PRSS16: variants seen among roughly 807,000 people sequenced by gnomAD.
PRSS16 encodes the protein thymus-specific serine protease.
In PRSS16, 43 loss-of-function variants were observed where a neutral mutation model predicts 61.7. The observed-to-expected ratio is 0.70, with a 90% CI of 0.55 to 0.90. PRSS16 has a LOEUF of 0.90. Among genes scored for constraint, PRSS16 ranks in the 40% least tolerant of loss-of-function variants. PRSS16 has a pLI of 0.00. For synonymous variants in PRSS16, 273 were observed against 285.2 expected (o/e 0.96, Z 0.43); for missense variants, 591 against 659.1 (o/e 0.90, Z 1.13).
chr6:27,255,188 G>T lies in PRSS16; in HGVS notation c.1476+57G>T, dbSNP rs1307649128. On this transcript the variant is annotated intron_variant, in intron 11 of 11. Coordinates refer to ENST00000230582, the MANE Select transcript of PRSS16 (RefSeq NM_005865.4). This position sits in a 1 kb window ranked among gnomAD's most constrained non-coding sequence, Gnocchi z 4.4. Reference sequence around the variant, plus strand: ...TTCTCATTTGAATAATCACTTGCATGTTCCCTCCTTCTGCTGGTGCTGAAA... The same window carrying T: ...TTCTCATTTGAATAATCACTTGCATTTTCCCTCCTTCTGCTGGTGCTGAAA... 11 of 1,613,838 alleles carry T rather than the reference G, an allele frequency of 6.8e-6. No individual in the cohort carries two copies. The highest frequency in any genetic ancestry group is 9.3e-6 in the Non-Finnish European group (11 of 1,179,718).
At chr6:27,254,570 A>G (rs1388890370) in intron 9 of PRSS16, 123 bp from the exon 10 acceptor site, 2 of 955,218 alleles carry the variant, frequency 2.1e-6, no homozygotes, top group African/African-American at 3.2e-5. Context: ...CCAGGACTGT[A>G]AACTCCTCGA....
At chr6:27,253,986 A>G (rs1201261862) in intron 9 of PRSS16, 2 of 152,556 alleles carry the variant, frequency 1.3e-5, no homozygotes, top group Non-Finnish European at 2.9e-5. Context: ...TCAAGTCTCA[A>G]TAGGGTGGCC....
chr6:27,253,214 G>A, intron 9 of PRSS16: 1 of 483,530 alleles, frequency 2.1e-6, no homozygotes, highest in Non-Finnish European at 3.8e-6. Flanking sequence ...CCATTCCAGG[G>A]ATGGCCCCCT....
intron 4 of PRSS16, 51 bp downstream of exon 4, chr6:27,249,280 G>T (rs1166138928): frequency 1.3e-6 from 2 of 1,582,174 alleles, no homozygotes; most frequent in Non-Finnish European, 1.7e-6. Flanking sequence ...GAATGTCTGT[G>T]CTTTGGCATC....
In PRSS16 at chr6:27,252,184, G is replaced by A; in HGVS notation, c.1008+144G>A. 2 of 1,010,082 alleles carry A rather than the reference G, an allele frequency of 2.0e-6. No homozygotes were observed. The highest frequency in any genetic ancestry group is 2.8e-6 in the Non-Finnish European group (2 of 725,518). The allele number at this position is 1,010,082 out of a possible 1,614,324, so 62.6% of individuals were successfully genotyped here. A position where few individuals can be genotyped will look rare whatever the true frequency, so the allele number is the denominator to read the frequency against. On this transcript the variant is annotated intron_variant, in intron 8 of 11. Coordinates refer to ENST00000230582, the MANE Select transcript of PRSS16 (RefSeq NM_005865.4). The surrounding 1 kb of genome is among the most constrained non-coding windows in gnomAD (Gnocchi z 4.2). ...AATGGGGATAACACTTCACAGGGCC[G>A]ATGGGAAGATGAAATGAGGCGGGTC...
In PRSS16 at chr6:27,251,843, G is replaced by A; in HGVS notation, c.811G>A (p.Ala271Thr). ...AQAALRTELS[A>T]CGPLGRAENQ... Reference sequence around the variant, plus strand: ...AGCAGCATTGCGGACGGAGCTGAGCGCTTGCGGGCCCCTGGGCCGCGCTGA... The same window carrying A: ...AGCAGCATTGCGGACGGAGCTGAGCACTTGCGGGCCCCTGGGCCGCGCTGA... Residue 271 changes from alanine to threonine, a missense_variant, in exon 8 of 12, where the codon GCT (alanine) becomes ACT (threonine). Transcript: ENST00000230582. The surrounding 1 kb of genome is among the most constrained non-coding windows in gnomAD (Gnocchi z 5.6). 1.2e-6 allele frequency: 2 copies of A among 1,612,856 alleles called. No individual in the cohort carries two copies. The highest frequency in any genetic ancestry group is 1.7e-6 in the Non-Finnish European group (2 of 1,179,748).
Position 27,251,632 on chromosome 6 carries a change from T to C in PRSS16, c.718-118T>C. 8.3e-7 allele frequency: 1 copy of C among 1,205,198 alleles called. No individual in the cohort carries two copies. The highest frequency in any genetic ancestry group is 1.1e-6 in the Non-Finnish European group (1 of 893,320). 74.7% of individuals were successfully genotyped at this position (1,205,198 alleles called of 1,614,324 possible). Reference sequence around the variant, plus strand: ...GGGGGCCTGGGCCAAGAGCTAGGTCTGCACCCTCTGAGTCCCGCTAGGGGA... The same window carrying C: ...GGGGGCCTGGGCCAAGAGCTAGGTCCGCACCCTCTGAGTCCCGCTAGGGGA... On this transcript the variant is annotated intron_variant, in intron 7 of 11. Transcript: ENST00000230582. This position sits in a 1 kb window ranked among gnomAD's most constrained non-coding sequence, Gnocchi z 5.6.
intron 3 of PRSS16, 38 bp downstream of exon 3, chr6:27,248,984 G>T: frequency 6.4e-7 from 1 of 1,567,086 alleles, no homozygotes; most frequent in South Asian, 1.2e-5. Flanking sequence ...TTGGGATGCT[G>T]GTGGGGACCA....
Position 27,248,886 on chromosome 6 carries a change from G to T in PRSS16, c.277G>T (p.Gly93Ter), listed in dbSNP as rs1351385050. The T allele has an allele frequency of 1.2e-6, 2 of 1,612,910 alleles. No individual in the cohort carries two copies. The highest frequency in any genetic ancestry group is 3.3e-5 in the Admixed American group (2 of 59,870). ...VNDQHWVGQD[G>*]PIFLHLGGEG... is the part of the protein sequence containing the mutation. Reference sequence around the variant, plus strand: ...TGACCAACATTGGGTTGGCCAGGATGGACCCATATTCCTGCATCTAGGGGG... The same window carrying T: ...TGACCAACATTGGGTTGGCCAGGATTGACCCATATTCCTGCATCTAGGGGG... Residue 93 changes from glycine (G) to a stop codon, truncating the protein, a stop_gained, in exon 3 of 12, where the codon GGA becomes TGA. Transcript: ENST00000230582. LOFTEE classifies it high-confidence loss of function.
Position 27,251,913 on chromosome 6 carries a change from G to A in PRSS16, c.881G>A (p.Gly294Asp), listed in dbSNP as rs1459321524. 2 of 1,613,304 alleles carry A rather than the reference G, an allele frequency of 1.2e-6. No homozygotes were observed. Among genetic ancestry groups the A allele is most frequent in the Non-Finnish European group, 1.7e-6 (2 of 1,179,804 alleles). ...LLGALQALVG[G>D]VVQYDGQTGA... ...GGGGCGCTGCAGGCACTGGTGGGAG[G>A]TGTAGTGCAGTATGATGGGCAGACG... is the stretch of plus-strand genomic sequence containing the variant. The change falls in exon 8 of 12, where the codon GGT (glycine) becomes GAT (aspartate). Residue 294 changes from glycine to aspartate, a missense_variant. Physicochemically the swap from Gly to Asp is moderately conservative, Grantham distance 94. Transcript: ENST00000230582. This position sits in a 1 kb window ranked among gnomAD's most constrained non-coding sequence, Gnocchi z 5.6.
chr6:27,252,244 T>C lies in PRSS16; in HGVS notation c.1008+204T>C, dbSNP rs1759930614. ...AATCAGCTGGGAGCCTGGCACACAG[T>C]GTGCGAATGTTAGAGACTGCGATTA... On this transcript the variant is annotated intron_variant, in intron 8 of 11. Coordinates refer to ENST00000230582, the MANE Select transcript of PRSS16 (RefSeq NM_005865.4). This position sits in a 1 kb window ranked among gnomAD's most constrained non-coding sequence, Gnocchi z 4.2. 3.2e-6 allele frequency: 2 copies of C among 634,070 alleles called. No individual in the cohort carries two copies. The highest frequency in any genetic ancestry group is 5.1e-6 in the Non-Finnish European group (2 of 392,794). The allele number at this position is 634,070 out of a possible 1,614,324, so 39.3% of individuals were successfully genotyped here.
At position 27,255,444 on chromosome 6, in the gene PRSS16, C is replaced by T. The variant is rs1212799584; in HGVS notation, c.*129C>T. On this transcript the variant is annotated 3_prime_UTR_variant, in exon 12 of 12. Transcript: ENST00000230582. The surrounding 1 kb of genome is among the most constrained non-coding windows in gnomAD (Gnocchi z 4.4). The stretch of plus-strand genomic sequence containing the variant: ...ATTGGAATTCAGCACCTGTTCCGCA[C>T]GTAATTGGCATGTGTCTGCAAACAT... The T allele has an allele frequency of 6.5e-6, 6 of 921,252 alleles. No homozygotes were observed. The highest frequency in any genetic ancestry group is 9.9e-6 in the Non-Finnish European group (6 of 607,800). 57.1% of individuals were successfully genotyped at this position (921,252 alleles called of 1,614,324 possible).
Position 27,251,061 on chromosome 6 carries a change from C to T in PRSS16, c.611C>T (p.Ala204Val), listed in dbSNP as rs35466700. 3 of 1,614,010 alleles carry T rather than the reference C, an allele frequency of 1.9e-6. No homozygotes were observed. Among genetic ancestry groups the T allele is most frequent in the East Asian group, 2.2e-5 (1 of 44,874 alleles). Residue 204 changes from alanine (A) to valine (V), a missense_variant, in exon 6 of 12, where the codon GCG becomes GTG. Coordinates refer to ENST00000230582, the MANE Select transcript of PRSS16 (RefSeq NM_005865.4). The surrounding 1 kb of genome is among the most constrained non-coding windows in gnomAD (Gnocchi z 5.6). Reference sequence around the variant, plus strand: ...CCTTAGTTCCCCCATCTCATTTTCGCGTCGGTCGCCTCCTCCGCCCCGGTG... The same window carrying T: ...CCTTAGTTCCCCCATCTCATTTTCGTGTCGGTCGCCTCCTCCGCCCCGGTG... ...ARLKFPHLIF[A>V]SVASSAPVRA... is the part of the protein sequence containing the mutation.
chr6:27,250,971 G>A, intron 5 of PRSS16, 71 bp from the exon 6 acceptor site: 1 of 1,593,632 alleles, frequency 6.3e-7, no homozygotes, highest in Non-Finnish European at 8.6e-7. Flanking sequence ...CAGCGAGTAA[G>A]TGACACAGAG....
intron 9 of PRSS16, chr6:27,253,173 C>T: frequency 1.8e-6 from 1 of 563,432 alleles, no homozygotes; most frequent in Non-Finnish European, 3.2e-6. Flanking sequence ...CTTGAGTGAT[C>T]TTCCCTTCAG....
In PRSS16 at chr6:27,247,914, C is replaced by T; in HGVS notation, c.103C>T (p.Gln35Ter). ...SLLRRLGEHIQQFQESSAQGL... is the reference protein window; with the variant it reads ...SLLRRLGEHI ...TCTTAGGCGCCTGGGTGAGCACATTCAGCAGTTTCAGGAGAGCTCTGCCCA... is the reference window on the plus strand; with the variant it reads ...TCTTAGGCGCCTGGGTGAGCACATTTAGCAGTTTCAGGAGAGCTCTGCCCA... The change falls in exon 2 of 12, where the codon CAG becomes TAG. Residue 35 changes from glutamine to a stop codon, truncating the protein, a stop_gained. Transcript: ENST00000230582. LOFTEE classifies it high-confidence loss of function. 1 of 1,603,706 alleles carries T rather than the reference C, an allele frequency of 6.2e-7. No individual in the cohort carries two copies. Among genetic ancestry groups the T allele is most frequent in the Non-Finnish European group, 8.5e-7 (1 of 1,175,504 alleles).
At position 27,247,942 on chromosome 6, in the gene PRSS16, G is replaced by T. The variant is rs1761256926; in HGVS notation, c.131G>T (p.Gly44Val). ...IQQFQESSAQ[G>V]LGLSLGPGAA... ...CAGTTTCAGGAGAGCTCTGCCCAGGGCCTGGGCCTGAGCCTGGGGCCAGGT... is the reference window on the plus strand; with the variant it reads ...CAGTTTCAGGAGAGCTCTGCCCAGGTCCTGGGCCTGAGCCTGGGGCCAGGT... The change falls in exon 2 of 12, where the codon GGC (glycine) becomes GTC (valine). Residue 44 changes from glycine to valine, a missense_variant. Gly to Val is a moderately radical substitution (Grantham distance 109). Transcript: ENST00000230582. The T allele has an allele frequency of 1.2e-6, 2 of 1,605,370 alleles. No homozygotes were observed. Among genetic ancestry groups the T allele is most frequent in the East Asian group, 4.5e-5 (2 of 44,848 alleles).
At position 27,251,230 on chromosome 6, in the gene PRSS16, G is replaced by C; in HGVS notation, c.683G>C (p.Ser228Thr). 6.2e-7 allele frequency: 1 copy of C among 1,611,806 alleles called. No homozygotes were observed. Among genetic ancestry groups the C allele is most frequent in the Non-Finnish European group, 8.5e-7 (1 of 1,178,576 alleles). The change falls in exon 7 of 12, where the codon AGC (serine) becomes ACC (threonine). Residue 228 changes from serine to threonine, a missense_variant. Physicochemically the swap from Ser to Thr is moderately conservative, Grantham distance 58 (BLOSUM62 1). Coordinates refer to ENST00000230582, the MANE Select transcript of PRSS16 (RefSeq NM_005865.4). This position sits in a 1 kb window ranked among gnomAD's most constrained non-coding sequence, Gnocchi z 5.6. ...GTCCGCCCACAGGTGGTATCCCGAA[G>C]CCTAATGAGCACCGCGATCGGCGGG... ...FSEYNDVVSR[S>T]LMSTAIGGSL...
chr6:27,252,672 CACTG>C lies in PRSS16; in HGVS notation c.1009-132_1009-129del. The C allele has an allele frequency of 1.1e-6, 1 of 891,726 alleles. No individual in the cohort carries two copies. Among genetic ancestry groups the C allele is most frequent in the Non-Finnish European group, 1.7e-6 (1 of 582,292 alleles). 55.2% of individuals were successfully genotyped at this position (891,726 alleles called of 1,614,324 possible). On this transcript the variant is annotated intron_variant, in intron 8 of 11. Transcript: ENST00000230582. This position sits in a 1 kb window ranked among gnomAD's most constrained non-coding sequence, Gnocchi z 4.2. ...GACCCAGGCATCCACCCCCTCTGAC[CACTG>C]ACTCCCAGGAGAACTCAGGAACTCA...
Sources: gnomAD v4.1 joint callset for allele counts on GRCh38, gnomAD v4.1.1 for gene constraint, Gnocchi (gnomAD v3.1) non-coding constraint, MANE v1.5 for transcripts, NCBI Gene and HGNC (gene_info 2026-07-23, HGNC 2026-07-21) for gene names.